IGF2R: variants seen among roughly 807,000 people sequenced by gnomAD.
The protein encoded by IGF2R is cation-independent mannose-6-phosphate receptor.
Under a neutral mutation model 270.6 loss-of-function variants are expected in IGF2R, and 91 were observed. The observed-to-expected ratio is 0.34, with a 90% CI of 0.28 to 0.40. The LOEUF is 0.40. Ranked by LOEUF, IGF2R falls within the 10% of genes least tolerant of loss-of-function variation. The pLI, the probability that IGF2R is intolerant of heterozygous loss-of-function variation, is 1.00. For synonymous variants in IGF2R, 1,316 were observed against 1,258.9 expected (o/e 1.05, Z -0.96); for missense variants, 2,805 against 3,188.3 (o/e 0.88, Z 2.90).
chr6:160,043,275 A>G lies in IGF2R; in HGVS notation c.1608A>G (p.Ala536=), dbSNP rs199704391. The change falls in exon 12 of 48, where the codon GCA becomes GCG. Residue 536 remains alanine, a synonymous_variant. Coordinates refer to ENST00000356956, the MANE Select transcript of IGF2R (RefSeq NM_000876.4). ...GKARGCPEDA[A]VCAVDKNGSK... ...CACGAGGGTGTCCCGAGGACGCGGC[A>G]GTGTGTGCAGTGGGTGAGTTGTGCC... 1.6e-5 allele frequency: 26 copies of G among 1,613,916 alleles called. No homozygotes were observed. Among genetic ancestry groups the G allele is most frequent in the Non-Finnish European group, 2.2e-5 (26 of 1,179,958 alleles).
intron 1 of IGF2R, among the ~76,000 whole-genome samples, chr6:159,974,338 TA>T (rs1284132671): frequency 1.3e-5 from 2 of 152,240 alleles, no homozygotes; most frequent in Non-Finnish European, 2.9e-5. Flanking sequence ...TAGTGTCCTT[TA>T]AAAATCATAT....
In IGF2R at chr6:160,024,774, T is replaced by C. The variant is rs918429835; in HGVS notation, c.646+70T>C. ...TTCTATGGCTTCAATATCTTTGCCT[T>C]TCTACCTTTATTTCTGTTTTCACAT... On this transcript the variant is annotated intron_variant, in intron 5 of 47. Transcript: ENST00000356956. 2.6e-6 allele frequency: 4 copies of C among 1,515,056 alleles called. No individual in the cohort carries two copies. The African/African-American group carries it at 4.1e-5, about 16-fold the overall frequency. 93.9% of individuals were successfully genotyped at this position (1,515,056 alleles called of 1,614,324 possible).
rs1784301887 is a variant in IGF2R at position 160,009,578 on chromosome 6, G to C, written c.414+444G>C. 3.9e-5 allele frequency among the ~76,000 whole-genome samples: 6 copies of C among 152,240 alleles called. No homozygotes were observed. The South Asian group carries it at 1.2e-3, about 32-fold the overall frequency. On this transcript the variant is annotated intron_variant, in intron 3 of 47. Transcript: ENST00000356956. Reference sequence around the variant, plus strand: ...GGAGAAGCCTTGGCCCGTGGGTATGGGGTTCTCAAGTTTTTTGGATATTAC... The same window carrying C: ...GGAGAAGCCTTGGCCCGTGGGTATGCGGTTCTCAAGTTTTTTGGATATTAC...
chr6:160,073,491 G>A, intron 34 of IGF2R, 22 bp downstream of exon 34: 1 of 1,612,646 alleles, frequency 6.2e-7, no homozygotes, highest in Non-Finnish European at 8.5e-7. Flanking sequence ...GATGGGCACG[G>A]GAGAAGTGCA....
intron 1 of IGF2R, among the ~76,000 whole-genome samples, chr6:159,986,781 T>C (rs1783895093): frequency 6.6e-6 from 1 of 152,066 alleles, no homozygotes; most frequent in Non-Finnish European, 1.5e-5. Flanking sequence ...AAGTCTTTAC[T>C]TGTGTAAGCT....
At chr6:160,021,236 A>G (rs1777425893) in intron 4 of IGF2R, among the ~76,000 whole-genome samples, 1 of 152,088 alleles carries the variant, frequency 6.6e-6, no homozygotes. Context: ...ACAAATTATT[A>G]TAAAACCACA....
intron 6 of IGF2R, 127 bp downstream of exon 6, chr6:160,027,441 T>C (rs1777587330): frequency 9.4e-7 from 1 of 1,061,622 alleles, no homozygotes; most frequent in Non-Finnish European, 1.3e-6. Flanking sequence ...CTGCTTCACA[T>C]GTACTTGTAA....
intron 7 of IGF2R, among the ~76,000 whole-genome samples, chr6:160,031,375 T>C (rs1290785767): frequency 6.6e-6 from 1 of 152,048 alleles, no homozygotes; most frequent in African/African-American, 2.4e-5. Context: ...TACAATTCAG[T>C]GGTTATTAGT....
At chr6:160,070,186 A>T (rs570623129) in intron 31 of IGF2R, 128 bp downstream of exon 31, 280 of 898,450 alleles carry the variant, frequency 3.1e-4, no homozygotes, top group Non-Finnish European at 1.3e-4. Context: ...ATGCGCCCTT[A>T]CCAGAGGTTG....
chr6:160,096,727 G>T, intron 45 of IGF2R, 102 bp downstream of exon 45: 3 of 967,962 alleles, frequency 3.1e-6, no homozygotes, highest in Non-Finnish European at 3.0e-6. Context: ...GAAATATTCA[G>T]AACATGCACC....
At chr6:160,072,541 G>C (rs1052737620) in intron 32 of IGF2R, among the ~76,000 whole-genome samples, 1 of 152,214 alleles carries the variant, frequency 6.6e-6, no homozygotes, top group African/African-American at 2.4e-5. Flanking sequence ...AGAGGGTGCT[G>C]TGAGCCACGA....
At chr6:160,009,192 G>A in intron 3 of IGF2R, 58 bp downstream of exon 3, 2 of 1,506,650 alleles carry the variant, frequency 1.3e-6, no homozygotes, top group Admixed American at 3.9e-5. Context: ...CTGCCCCTTG[G>A]TGTTCTGGCT....
intron 2 of IGF2R, chr6:160,006,642 G>C (rs1301064906): frequency 6.6e-6 from 1 of 152,264 alleles, no homozygotes; most frequent in East Asian, 1.9e-4. Flanking sequence ...TGGTGCTGTG[G>C]GGGCGCGCTG....
At chr6:160,012,301 G>T (rs1458678368) in intron 4 of IGF2R, among the ~76,000 whole-genome samples, 2 of 152,178 alleles carry the variant, frequency 1.3e-5, no homozygotes, top group African/African-American at 4.8e-5. Flanking sequence ...GGGTTTGGGG[G>T]TGAGGGTGGG....
chr6:160,013,734 CAT>C (rs1777205570), intron 4 of IGF2R, among the ~76,000 whole-genome samples: 1 of 152,032 alleles, frequency 6.6e-6, no homozygotes, highest in Admixed American at 6.5e-5. Context: ...TTCATTAACT[CAT>C]TTTTTTTTGT....
chr6:160,001,499 A>C (rs1784129920), intron 2 of IGF2R, among the ~76,000 whole-genome samples: 1 of 152,168 alleles, frequency 6.6e-6, no homozygotes, highest in Non-Finnish European at 1.5e-5. Flanking sequence ...AATATGCTTG[A>C]ATCATCCCGA....
In IGF2R at chr6:160,102,390, C is replaced by G. The variant is rs1221538098; in HGVS notation, c.6843-129C>G. The stretch of plus-strand genomic sequence containing the variant: ...GGGACTTGTGGCCTTGTTTTCTGGG[C>G]AGGAGTAAGAATCACATGGTGTTGG... On this transcript the variant is annotated intron_variant, in intron 45 of 47. Coordinates refer to ENST00000356956, the MANE Select transcript of IGF2R (RefSeq NM_000876.4). This position sits in a 1 kb window ranked among gnomAD's most constrained non-coding sequence, Gnocchi z 4.5. 1.6e-5 allele frequency: 16 copies of G among 1,019,310 alleles called. No individual in the cohort carries two copies. In the Admixed American group the frequency reaches 2.7e-4, roughly 17 times the overall value. The allele number at this position is 1,019,310 out of a possible 1,614,324, so 63.1% of individuals were successfully genotyped here.
At chr6:160,065,778 GTGTA>G (rs1367472755) in intron 29 of IGF2R, among the ~76,000 whole-genome samples, 218 of 100,184 alleles carry the variant, frequency 2.2e-3, no homozygotes, top group Non-Finnish European at 3.2e-3. Context: ...CTAGAGATAT[GTGTA>G]TGTGTGTGTG....
rs540527624 is a variant in IGF2R, at chr6:160,063,409, T to A, written c.3671-6T>A. On this transcript the variant is annotated splice_polypyrimidine_tract_variant and splice_region_variant and intron_variant, in intron 26 of 47. Coordinates refer to ENST00000356956, the MANE Select transcript of IGF2R (RefSeq NM_000876.4). ...GTTGCCCTTCACTTCTTCCATGTTC[T>A]TGAAGGGGACAACTGTGAGGTGAAA... The A allele has an allele frequency of 1.2e-6, 2 of 1,608,662 alleles. No homozygotes were observed. Among genetic ancestry groups the A allele is most frequent in the Non-Finnish European group, 8.5e-7 (1 of 1,176,718 alleles).
Sources: allele counts gnomAD v4.1 joint callset (sites outside exome capture counted in the v4.1 genomes callset), GRCh38; gene constraint gnomAD v4.1.1; non-coding constraint Gnocchi (gnomAD v3.1); transcripts MANE v1.5; gene names NCBI Gene and HGNC (gene_info 2026-07-23, HGNC 2026-07-21).